RGS22: variants seen among roughly 807,000 people sequenced by gnomAD.
RGS22 encodes the protein regulator of G-protein signaling 22.
RGS22 carries 148 observed loss-of-function variants against 172.9 expected under a neutral mutation model. The observed-to-expected ratio is 0.86, with a 90% CI of 0.75 to 0.98. The LOEUF is 0.98. Among genes scored for constraint, RGS22 ranks in the 50% least tolerant of loss-of-function variants. The probability of loss-of-function intolerance (pLI) is 0.00; values close to 1 mark genes in which losing one functional copy is unlikely to be tolerated. For missense variants in RGS22, 1,347 were observed against 1,440.8 expected, an observed-to-expected ratio of 0.93 and a Z score of 1.05; for synonymous variants, 458 against 480.2, an observed-to-expected ratio of 0.95 and a Z score of 0.60.
intron 6 of RGS22, among the ~76,000 whole-genome samples, chr8:100,069,505 T>C (rs1810788887): frequency 6.6e-6 from 1 of 152,256 alleles, no homozygotes; most frequent in Non-Finnish European, 1.5e-5. Context: ...TCTCTTCAAA[T>C]GCTCTCATAC....
At chr8:100,039,831 A>C (rs534001941) in intron 13 of RGS22, 131 bp downstream of exon 13, 10 of 497,552 alleles carry the variant, frequency 2.0e-5, no homozygotes, top group Non-Finnish European at 2.9e-5. Context: ...CTAAATATTA[A>C]ATATGAATTT....
At chr8:100,035,150 T>C (rs1819301151) in intron 14 of RGS22, among the ~76,000 whole-genome samples, 1 of 152,088 alleles carries the variant, frequency 6.6e-6, no homozygotes, top group South Asian at 2.1e-4. Context: ...CAAAAGAAAC[T>C]ACCATCAGAG....
intron 14 of RGS22, among the ~76,000 whole-genome samples, chr8:100,026,854 G>T (rs1457703509): frequency 6.6e-6 from 1 of 151,916 alleles, no homozygotes; most frequent in Non-Finnish European, 1.5e-5. Context: ...TTGAAAAGAA[G>T]CCGATGACTT....
intron 21 of RGS22, among the ~76,000 whole-genome samples, chr8:99,986,470 G>A (rs1328142364): frequency 6.6e-6 from 1 of 152,104 alleles, no homozygotes; most frequent in Non-Finnish European, 1.5e-5. Flanking sequence ...GTTTACAATG[G>A]GATGGAATAG....
chr8:100,066,711 C>T (rs1323235654), intron 6 of RGS22, among the ~76,000 whole-genome samples: 3 of 152,146 alleles, frequency 2.0e-5, no homozygotes, highest in Non-Finnish European at 2.9e-5. Context: ...TTCTGTCTCA[C>T]CTGGCTCAGT....
intron 10 of RGS22, among the ~76,000 whole-genome samples, chr8:100,048,245 T>C (rs898813666): frequency 6.6e-6 from 1 of 152,082 alleles, no homozygotes; most frequent in Non-Finnish European, 1.5e-5. Context: ...TTAAAAGTAG[T>C]AGTTACAAAA....
rs769116469 is a variant in RGS22, at chr8:99,999,227, C to A, written c.2949+35G>T. ...CATTTGAAGTTTTCAGAGGTACTGACAACTGCTATCAAAAGATTATACTAA... is the reference window on the plus strand; with the variant it reads ...CATTTGAAGTTTTCAGAGGTACTGAAAACTGCTATCAAAAGATTATACTAA... On this transcript the variant is annotated intron_variant, in intron 19 of 27. Coordinates refer to ENST00000360863, the MANE Select transcript of RGS22 (RefSeq NM_015668.5). The A allele has an allele frequency of 2.5e-6, 4 of 1,583,362 alleles. No homozygotes were observed. In the African/African-American group the frequency reaches 4.1e-5, roughly 16 times the overall value.
chr8:99,993,384 GA>G (rs931487363), intron 20 of RGS22, among the ~76,000 whole-genome samples: 2 of 151,908 alleles, frequency 1.3e-5, no homozygotes, highest in African/African-American at 4.8e-5. Flanking sequence ...GACTAACAAA[GA>G]AAAGAGAGAA....
rs1305099800 is a variant in RGS22, at chr8:99,978,043, C to T, written c.3393G>A (p.Trp1131Ter). 1.4e-5 allele frequency: 22 copies of T among 1,525,868 alleles called. No homozygotes were observed. The Admixed American group carries it at 4.1e-4, about 28-fold the overall frequency. 94.5% of individuals were successfully genotyped at this position (1,525,868 alleles called of 1,614,324 possible). A position where few individuals can be genotyped will look rare whatever the true frequency, so the allele number is the denominator to read the frequency against. ...MTIFGVLFKF[W>*]PQFCEFRKNL... ...TCTTCCTAAACTCACAGAACTGAGG[C>T]CAGAATTTAAACAGAACCCCAAAAA... is the stretch of plus-strand genomic sequence containing the variant. The change falls in exon 23 of 28, where the codon TGG (tryptophan) becomes TGA (stop). Residue 1131 changes from tryptophan (W) to a stop codon, truncating the protein, a stop_gained. Coordinates refer to ENST00000360863, the MANE Select transcript of RGS22 (RefSeq NM_015668.5). LOFTEE classifies it high-confidence loss of function.
chr8:100,035,530 A>G (rs1016014047), intron 14 of RGS22, among the ~76,000 whole-genome samples: 7 of 152,182 alleles, frequency 4.6e-5, no homozygotes, highest in Non-Finnish European at 1.0e-4. Flanking sequence ...AATTAGTTCA[A>G]CCTTGTGGGG....
At chr8:100,090,389 A>G (rs1452806413) in intron 3 of RGS22, among the ~76,000 whole-genome samples, 1 of 151,846 alleles carries the variant, frequency 6.6e-6, no homozygotes, top group East Asian at 1.9e-4. Flanking sequence ...GAGGCAGGAA[A>G]GAGTATGCAG....
Sources: gnomAD v4.1 joint callset for allele counts (sites outside exome capture counted in the v4.1 genomes callset) on GRCh38, gnomAD v4.1.1 for gene constraint, MANE v1.5 for transcripts, NCBI Gene and HGNC (gene_info 2026-07-23, HGNC 2026-07-21) for gene names.